NAV2: variants seen among roughly 807,000 people sequenced by gnomAD.
NAV2 encodes helicase, APC down-regulated 1.
In NAV2, 54 loss-of-function variants were observed where a neutral mutation model predicts 223.2. The ratio of observed to expected loss-of-function variants is 0.24; its 90% CI spans 0.19 to 0.30. The LOEUF is 0.30. Among genes scored for constraint, NAV2 ranks in the 10% least tolerant of loss-of-function variants. NAV2 has a pLI of 1.00. For synonymous variants in NAV2, 1,279 were observed against 1,239.3 expected, an observed-to-expected ratio of 1.03 and a Z score of -0.67; for missense variants, 2,806 against 3,147.5, an observed-to-expected ratio of 0.89 and a Z score of 2.60.
At chr11:19,382,845 C>T (rs1049433319) in intron 1 of NAV2, among the ~76,000 whole-genome samples, 2 of 152,142 alleles carry the variant, frequency 1.3e-5, no homozygotes, top group African/African-American at 4.8e-5. Context: ...ATGACAGAGG[C>T]AGAACTTGAA....
intron 1 of NAV2, among the ~76,000 whole-genome samples, chr11:19,476,312 TC>T (rs2042113284): frequency 6.6e-6 from 1 of 152,118 alleles, no homozygotes; most frequent in Non-Finnish European, 1.5e-5. Context: ...CAAAAATAGT[TC>T]TCTAAACCCC....
At chr11:19,655,759 G>A (rs1301236020) in intron 1 of NAV2, among the ~76,000 whole-genome samples, 1 of 115,842 alleles carries the variant, frequency 8.6e-6, no homozygotes, top group African/African-American at 3.3e-5. Flanking sequence ...GGGGGAGGGG[G>A]GAGGGATAGC....
intron 32 of NAV2, among the ~76,000 whole-genome samples, chr11:20,101,701 C>A (rs146746365): frequency 4.3e-4 from 65 of 152,302 alleles, no homozygotes; most frequent in Middle Eastern, 3.4e-3. Context: ...AGTGGTAGAA[C>A]TGAAGCTCAA....
chr11:19,466,984 TACACACACAC>T (rs3042688), intron 1 of NAV2, among the ~76,000 whole-genome samples: 1 of 125,142 alleles, frequency 8.0e-6, no homozygotes, highest in Non-Finnish European at 1.7e-5. Context: ...TCTCTCTCTC[TACACACACAC>T]ACACACACAC....
intron 1 of NAV2, among the ~76,000 whole-genome samples, chr11:19,582,287 C>T (rs1035128810): frequency 6.6e-5 from 10 of 152,036 alleles, no homozygotes; most frequent in South Asian, 4.2e-4. Context: ...ATGAGTAGAT[C>T]GCAACAATTT....
intron 11 of NAV2, among the ~76,000 whole-genome samples, chr11:19,986,341 C>T (rs1012547468): frequency 1.1e-4 from 16 of 152,144 alleles, no homozygotes; most frequent in African/African-American, 2.9e-4. Context: ...TGAATGAGTC[C>T]GGGCATGGTG....
intron 1 of NAV2, among the ~76,000 whole-genome samples, chr11:19,741,687 G>GTGTA (rs1309518658): frequency 4.7e-5 from 1 of 21,058 alleles, no homozygotes; most frequent in African/African-American, 8.8e-5. Context: ...GTGTGTGTGT[G>GTGTA]TATATATATA....
intron 6 of NAV2, among the ~76,000 whole-genome samples, chr11:19,902,620 C>G (rs1365402530): frequency 6.6e-6 from 1 of 152,196 alleles, no homozygotes; most frequent in Non-Finnish European, 1.5e-5. Context: ...CTCAGCATTT[C>G]TCTTGCTTCC....
intron 1 of NAV2, among the ~76,000 whole-genome samples, chr11:19,740,511 G>A (rs992821415): frequency 4.0e-5 from 6 of 151,896 alleles, no homozygotes; most frequent in Non-Finnish European, 7.4e-5. Flanking sequence ...ATTATCCTGT[G>A]ACCCTGCCAC....
intron 10 of NAV2, among the ~76,000 whole-genome samples, chr11:19,983,270 G>A (rs184638122): frequency 2.0e-5 from 3 of 152,270 alleles, no homozygotes; most frequent in African/African-American, 7.2e-5. Flanking sequence ...GAACTTGTCT[G>A]GTTGGTAGAC....
At chr11:19,555,835 G>C (rs1413143182) in intron 1 of NAV2, among the ~76,000 whole-genome samples, 1 of 151,940 alleles carries the variant, frequency 6.6e-6, no homozygotes, top group Non-Finnish European at 1.5e-5. Flanking sequence ...CCTTCCTCGA[G>C]CCCACCCAGC....
intron 3 of NAV2, among the ~76,000 whole-genome samples, chr11:19,848,836 C>T (rs1223451434): frequency 1.3e-5 from 2 of 152,154 alleles, no homozygotes; most frequent in Non-Finnish European, 2.9e-5. Context: ...ATTTGTATGC[C>T]TACATCTCTC....
At chr11:19,667,833 A>C (rs1441744246) in intron 1 of NAV2, among the ~76,000 whole-genome samples, 1 of 152,212 alleles carries the variant, frequency 6.6e-6, no homozygotes, top group Non-Finnish European at 1.5e-5. Flanking sequence ...TTCAGAAGCC[A>C]AAAGGAATTT....
intron 2 of NAV2, among the ~76,000 whole-genome samples, chr11:19,841,874 G>A (rs953776492): frequency 2.0e-4 from 31 of 152,142 alleles, no homozygotes; most frequent in African/African-American, 6.5e-4. Context: ...GTTGGGCACC[G>A]TGCTAAGCAT....
chr11:19,790,357 T>C (rs2057434412), intron 1 of NAV2, among the ~76,000 whole-genome samples: 1 of 152,222 alleles, frequency 6.6e-6, no homozygotes, highest in Non-Finnish European at 1.5e-5. Context: ...AGTGATTTGC[T>C]TAAGGTCACA....
intron 1 of NAV2, among the ~76,000 whole-genome samples, chr11:19,588,965 C>T (rs1384595817): frequency 6.6e-6 from 1 of 152,182 alleles, no homozygotes; most frequent in East Asian, 1.9e-4. Context: ...TTCTCCTAGG[C>T]CTCTGGGATG....
intron 1 of NAV2, among the ~76,000 whole-genome samples, chr11:19,522,094 C>A (rs114949823): frequency 0.016 from 2,423 of 152,284 alleles, 59 homozygotes; most frequent in African/African-American, 0.056. Flanking sequence ...AGAGAGGTCA[C>A]AAGACAGTAA....
At chr11:19,875,825 T>C (rs1184127818) in intron 4 of NAV2, among the ~76,000 whole-genome samples, 2 of 152,204 alleles carry the variant, frequency 1.3e-5, no homozygotes, top group African/African-American at 4.8e-5. Context: ...CATTCGTGGT[T>C]TTCCTTTCTG....
chr11:19,866,471 T>G (rs1012031938), intron 3 of NAV2, among the ~76,000 whole-genome samples: 1 of 152,218 alleles, frequency 6.6e-6, no homozygotes, highest in Non-Finnish European at 1.5e-5. Flanking sequence ...TCGGGTAACT[T>G]ATTTATAATT....
Sources: allele counts gnomAD v4.1 joint callset (sites outside exome capture counted in the v4.1 genomes callset), GRCh38; gene constraint gnomAD v4.1.1; transcripts MANE v1.5; gene names NCBI Gene and HGNC (gene_info 2026-07-23, HGNC 2026-07-21).